CBFA2T3: variants seen among roughly 807,000 people sequenced by gnomAD.
The protein encoded by CBFA2T3 is CBFA2/RUNX1 partner transcriptional co-repressor 3, also known as transcriptional corepressor CBFA2T3.
CBFA2T3 carries 31 observed loss-of-function variants against 58.6 expected under a neutral mutation model. That is an observed-to-expected ratio of 0.53 (90% CI 0.40 to 0.71). CBFA2T3 has a LOEUF of 0.71. Among genes scored for constraint, CBFA2T3 ranks in the 30% least tolerant of loss-of-function variants. The pLI, the probability that CBFA2T3 is intolerant of heterozygous loss-of-function variation, is 0.00. For missense variants in CBFA2T3, 1,076 were observed against 963.1 expected (o/e 1.12, Z -1.55); for synonymous variants, 531 against 421.9 (o/e 1.26, Z -3.17).
chr16:88,927,062 C>A (rs1971106022), intron 1 of CBFA2T3, among the ~76,000 whole-genome samples: 1 of 152,250 alleles, frequency 6.6e-6, no homozygotes, highest in African/African-American at 2.4e-5. Context: ...CCAGTGTCAA[C>A]CCCCACGGCC....
chr16:88,906,413 A>G (rs1249520918), intron 1 of CBFA2T3, among the ~76,000 whole-genome samples: 1 of 151,816 alleles, frequency 6.6e-6, no homozygotes, highest in Non-Finnish European at 1.5e-5. Context: ...CGTCCCCAAG[A>G]CCACTTGCTG....
At position 88,891,980 on chromosome 16, in the gene CBFA2T3, G is replaced by A. The variant is rs769019573; in HGVS notation, c.622-9C>T. On this transcript the variant is annotated splice_polypyrimidine_tract_variant and intron_variant, in intron 4 of 11. Coordinates refer to ENST00000268679, the MANE Select transcript of CBFA2T3 (RefSeq NM_005187.6). ...ATCGTCAATGTCGAGTTCTGCAGGG[G>A]AGAAAACCCACCTCACATCAGCACC... 1.2e-5 allele frequency: 19 copies of A among 1,609,338 alleles called. No individual in the cohort carries two copies. In the East Asian group the frequency reaches 4.0e-4, roughly 34 times the overall value.
At chr16:88,889,796 C>A (rs1001380857) in intron 5 of CBFA2T3, among the ~76,000 whole-genome samples, 18 of 143,166 alleles carry the variant, frequency 1.3e-4, no homozygotes, top group Non-Finnish European at 2.3e-4. Context: ...CACGCGATTC[C>A]TCCTCCTCCA....
intron 2 of CBFA2T3, among the ~76,000 whole-genome samples, chr16:88,899,735 G>A (rs894396780): frequency 2.6e-5 from 4 of 152,230 alleles, no homozygotes; most frequent in African/African-American, 7.2e-5. Context: ...CTCAGCCCAC[G>A]GTGTTTGTCC....
Position 88,932,791 on chromosome 16 carries a change from C to CAAAAAAAAA in CBFA2T3, c.152-31144_152-31136dup, listed in dbSNP as rs576934029. On this transcript the variant is annotated intron_variant, in intron 1 of 11. Transcript: ENST00000268679. The stretch of plus-strand genomic sequence containing the variant: ...GGCAAACCCGTCTCTACTAAAAATA[C>CAAAAAAAAA]AAAAAAAAAAAAAAAAAAAAAAAAA... Among the ~76,000 whole-genome samples, 275 of 27,878 alleles carry CAAAAAAAAA rather than the reference C, an allele frequency of 9.9e-3. 2 individuals are homozygous for CAAAAAAAAA. Among genetic ancestry groups the CAAAAAAAAA allele is most frequent in the East Asian group, 0.024 (15 of 624 alleles). 18.3% of individuals were successfully genotyped at this position (27,878 alleles called of 152,430 possible). A position where few individuals can be genotyped will look rare whatever the true frequency, so the allele number is the denominator to read the frequency against.
At chr16:88,901,307 C>T (rs566159900) in intron 2 of CBFA2T3, among the ~76,000 whole-genome samples, 197 bp downstream of exon 2, 1 of 152,226 alleles carries the variant, frequency 6.6e-6, no homozygotes, top group African/African-American at 2.4e-5. Context: ...AAGGACATGA[C>T]CCGGAGCTAC....
At chr16:88,960,718 G>A (rs1002829240) in intron 1 of CBFA2T3, among the ~76,000 whole-genome samples, 14 of 152,204 alleles carry the variant, frequency 9.2e-5, no homozygotes, top group African/African-American at 2.9e-4. Context: ...AGACAGTGTC[G>A]TTGTGGCACT....
In CBFA2T3 at chr16:88,885,006, G is replaced by C. The variant is rs926101740; in HGVS notation, c.1117+40C>G. 1.4e-6 allele frequency: 2 copies of C among 1,477,536 alleles called. No homozygotes were observed. The highest frequency in any genetic ancestry group is 1.8e-6 in the Non-Finnish European group (2 of 1,088,116). The allele number at this position is 1,477,536 out of a possible 1,614,324, so 91.5% of individuals were successfully genotyped here. On this transcript the variant is annotated intron_variant, in intron 7 of 11. Transcript: ENST00000268679. This position sits in a 1 kb window ranked among gnomAD's most constrained non-coding sequence, Gnocchi z 5.3. Reference sequence around the variant, plus strand: ...TACATGTGGGCGCATGTGTGCTCCTGTAACACGCGTCCACGCTCCCGCCCC... The same window carrying C: ...TACATGTGGGCGCATGTGTGCTCCTCTAACACGCGTCCACGCTCCCGCCCC...
At chr16:88,927,453 G>A (rs747521381) in intron 1 of CBFA2T3, among the ~76,000 whole-genome samples, 3 of 152,200 alleles carry the variant, frequency 2.0e-5, no homozygotes, top group Non-Finnish European at 4.4e-5. Flanking sequence ...CCGGGGTGGA[G>A]GAGGGGCTGG....
chr16:88,892,049 G>A (rs1969653597), intron 4 of CBFA2T3, 78 bp from the exon 5 acceptor site: 1 of 1,411,544 alleles, frequency 7.1e-7, no homozygotes, highest in African/African-American at 1.4e-5. Flanking sequence ...GCCTGAGGAG[G>A]AGGCTTCCGT....
At chr16:88,892,734 C>G (rs189016722) in intron 3 of CBFA2T3, among the ~76,000 whole-genome samples, 349 of 152,304 alleles carry the variant, frequency 2.3e-3, no homozygotes, top group Non-Finnish European at 3.8e-3. Context: ...ACACACACCC[C>G]CTTACAGACC....
Position 88,953,034 on chromosome 16 carries a change from A to G in CBFA2T3, c.151+23623T>C, listed in dbSNP as rs1972121015. On this transcript the variant is annotated intron_variant, in intron 1 of 11. Coordinates refer to ENST00000268679, the MANE Select transcript of CBFA2T3 (RefSeq NM_005187.6). The surrounding 1 kb of genome is among the most constrained non-coding windows in gnomAD (Gnocchi z 4.9). ...CCGCCATCGGGTTTGCTGCTGAATG[A>G]GCAGATGATCTAATGAGTGACCGTC... is the stretch of plus-strand genomic sequence containing the variant. Among the ~76,000 whole-genome samples, 1 of 152,102 alleles carries G rather than the reference A, an allele frequency of 6.6e-6. No individual in the cohort carries two copies. The highest frequency in any genetic ancestry group is 2.1e-4 in the South Asian group (1 of 4,824).
Position 88,906,392 on chromosome 16 carries a change from C to A in CBFA2T3, c.152-4736G>T, listed in dbSNP as rs561823154. On this transcript the variant is annotated intron_variant, in intron 1 of 11. Coordinates refer to ENST00000268679, the MANE Select transcript of CBFA2T3 (RefSeq NM_005187.6). ...GCGAACCACACAGGAAGAGGCCTGG[C>A]CGCATCCCCTCGTCCCCAAGACCAC... is the stretch of plus-strand genomic sequence containing the variant. 1.2e-4 allele frequency among the ~76,000 whole-genome samples: 19 copies of A among 152,352 alleles called. No homozygotes were observed. In the South Asian group the frequency reaches 3.5e-3, roughly 28 times the overall value.
At chr16:88,924,300 G>T (rs559201297) in intron 1 of CBFA2T3, among the ~76,000 whole-genome samples, 1 of 152,336 alleles carries the variant, frequency 6.6e-6, no homozygotes, top group African/African-American at 2.4e-5. Flanking sequence ...GGCACACTGC[G>T]TGCCTTCAGG....
rs1022487419 is a variant in CBFA2T3 at position 88,966,463 on chromosome 16, C to G, written c.151+10194G>C. On this transcript the variant is annotated intron_variant, in intron 1 of 11. Coordinates refer to ENST00000268679, the MANE Select transcript of CBFA2T3 (RefSeq NM_005187.6). ...GCTGGGCTACCTCCCCTGCCACACC[C>G]TCATCCCACCTGGGGTGACCACCAA... Among the ~76,000 whole-genome samples the G allele has an allele frequency of 6.7e-5, 8 of 120,056 alleles. No individual in the cohort carries two copies. In the Middle Eastern group the frequency reaches 0.012, roughly 183 times the overall value. 78.8% of individuals were successfully genotyped at this position (120,056 alleles called of 152,430 possible).
At chr16:88,879,966 C>T (rs1969002238) in intron 10 of CBFA2T3, 1 of 161,528 alleles carries the variant, frequency 6.2e-6, no homozygotes, top group Admixed American at 6.0e-5. Context: ...CCAGGAAGCC[C>T]CCTCGTCCAG....
At chr16:88,967,372 G>A (rs557809005) in intron 1 of CBFA2T3, among the ~76,000 whole-genome samples, 21 of 152,222 alleles carry the variant, frequency 1.4e-4, no homozygotes, top group African/African-American at 3.6e-4. Context: ...TGGGAGCGAC[G>A]GGGACGGGGC....
Position 88,928,047 on chromosome 16 carries a change from C to A in CBFA2T3, c.152-26391G>T, listed in dbSNP as rs1382115516. Among the ~76,000 whole-genome samples, 4 of 152,332 alleles carry A rather than the reference C, an allele frequency of 2.6e-5. No individual in the cohort carries two copies. In the South Asian group the frequency reaches 6.2e-4, roughly 24 times the overall value. On this transcript the variant is annotated intron_variant, in intron 1 of 11. Transcript: ENST00000268679. ...CCGCTGCTGACCGAGCCCCTGGCAC[C>A]CCCAAGCCGAGCCTTTGAACCCCAG...
intron 10 of CBFA2T3, chr16:88,879,698 T>A (rs915105629): frequency 1.6e-5 from 8 of 499,298 alleles, no homozygotes; most frequent in African/African-American, 1.1e-4. Context: ...TGCATGCAAA[T>A]AAACACAGGC....
Sources: gnomAD v4.1 joint callset for allele counts (sites outside exome capture counted in the v4.1 genomes callset) on GRCh38, gnomAD v4.1.1 for gene constraint, Gnocchi (gnomAD v3.1) non-coding constraint, MANE v1.5 for transcripts, NCBI Gene and HGNC (gene_info 2026-07-23, HGNC 2026-07-21) for gene names.